The following CXCL13 variants were observed in gnomAD, a reference collection of about 807,000 sequenced individuals.
The protein encoded by CXCL13 is C-X-C motif chemokine 13.
CXCL13 carries 7 observed loss-of-function variants against 12.2 expected under a neutral mutation model. That is an observed-to-expected ratio of 0.57 (90% CI 0.33 to 1.07). The LOEUF (loss-of-function observed/expected upper bound fraction) is 1.07. Among genes scored for constraint, CXCL13 ranks in the 50% least tolerant of loss-of-function variants. The pLI is 0.04. For missense variants in CXCL13, 113 were observed against 127.4 expected (o/e 0.89, Z 0.55); for synonymous variants, 47 against 42.4 (o/e 1.11, Z -0.42).
At chr4:77,591,818 C>T (rs1415204027) in intron 1 of CXCL13, among the ~76,000 whole-genome samples, 1 of 152,210 alleles carries the variant, frequency 6.6e-6, no homozygotes, top group Non-Finnish European at 1.5e-5. Flanking sequence ...TGCCTGTGCA[C>T]AGTCACTGTG....
intron 1 of CXCL13, among the ~76,000 whole-genome samples, chr4:77,554,307 C>G (rs1362187628): frequency 6.6e-6 from 1 of 152,020 alleles, no homozygotes; most frequent in Non-Finnish European, 1.5e-5. Flanking sequence ...AGCTTGTAAA[C>G]ATTTACCTTA....
intron 1 of CXCL13, among the ~76,000 whole-genome samples, chr4:77,563,969 C>A (rs1560527352): frequency 6.6e-6 from 1 of 152,064 alleles, no homozygotes; most frequent in Non-Finnish European, 1.5e-5. Context: ...GTACTCAGGG[C>A]CAGTTTCGAG....
chr4:77,564,580 A>T (rs753499474), intron 1 of CXCL13, among the ~76,000 whole-genome samples: 5 of 152,246 alleles, frequency 3.3e-5, no homozygotes, highest in Admixed American at 6.5e-5. Flanking sequence ...ATCTCATTTA[A>T]TCTGACAACA....
chr4:77,513,756 T>C (rs1340722488), intron 1 of CXCL13, among the ~76,000 whole-genome samples: 1 of 152,036 alleles, frequency 6.6e-6, no homozygotes. Context: ...CTGGCCTGTT[T>C]CCTGACTTTT....
At chr4:77,560,515 T>C (rs1725780413) in intron 1 of CXCL13, among the ~76,000 whole-genome samples, 1 of 152,224 alleles carries the variant, frequency 6.6e-6, no homozygotes, top group South Asian at 2.1e-4. Flanking sequence ...ATCTTTTTTC[T>C]ATACATTCCC....
intron 1 of CXCL13, among the ~76,000 whole-genome samples, chr4:77,553,046 TG>T (rs896332137): frequency 2.7e-4 from 41 of 152,102 alleles, no homozygotes; most frequent in Admixed American, 1.9e-3. Flanking sequence ...AATTTTGGCT[TG>T]GGGGTGGAGT....
chr4:77,525,188 A>G (rs1183309101), intron 1 of CXCL13, among the ~76,000 whole-genome samples: 1 of 152,236 alleles, frequency 6.6e-6, no homozygotes, highest in Admixed American at 6.5e-5. Flanking sequence ...CCCAGCCTCC[A>G]GAACAGTGAG....
rs146101053 is a variant in CXCL13 at position 77,561,529 on chromosome 4, G to A, written c.-42-44295G>A. Reference sequence around the variant, plus strand: ...CTTAGAGGCTAACTTAGCCAAGATCGTTCTGCTTATAATCAGTAGTGCTGA... The same window carrying A: ...CTTAGAGGCTAACTTAGCCAAGATCATTCTGCTTATAATCAGTAGTGCTGA... On this transcript the variant is annotated intron_variant, in intron 1 of 4. Coordinates refer to the CXCL13 transcript ENST00000286758. 3.0e-3 allele frequency among the ~76,000 whole-genome samples: 456 copies of A among 152,310 alleles called. 4 individuals are homozygous for A. Among genetic ancestry groups the A allele is most frequent in the African/African-American group, 9.5e-3 (393 of 41,574 alleles).
In CXCL13 at chr4:77,610,813, G is replaced by A; in HGVS notation, c.278+119G>A. On this transcript the variant is annotated intron_variant, in intron 3 of 3. Coordinates refer to ENST00000682537, the MANE Select transcript of CXCL13 (RefSeq NM_001371558.1). ...TGAGAAGTTCCTAAGACAAATGTGT[G>A]TTTTTCACTGTTATTGCTTATCAGA... 7.5e-6 allele frequency: 7 copies of A among 934,290 alleles called. No homozygotes were observed. The South Asian group carries it at 9.9e-5, about 13-fold the overall frequency. The allele number at this position is 934,290 out of a possible 1,614,324, so 57.9% of individuals were successfully genotyped here.
At chr4:77,543,726 T>C (rs540041734) in intron 1 of CXCL13, among the ~76,000 whole-genome samples, 6 of 152,226 alleles carry the variant, frequency 3.9e-5, no homozygotes, top group Admixed American at 6.6e-5. Flanking sequence ...AAAATGGTTG[T>C]TATGATTTCC....
intron 1 of CXCL13, among the ~76,000 whole-genome samples, chr4:77,518,025 A>G (rs1724474102): frequency 6.6e-6 from 1 of 150,696 alleles, no homozygotes; most frequent in South Asian, 2.1e-4. Flanking sequence ...GCTTGTCTGT[A>G]AAGGATTTTA....
chr4:77,608,549 C>T (rs546887033), intron 2 of CXCL13, among the ~76,000 whole-genome samples: 1 of 152,280 alleles, frequency 6.6e-6, no homozygotes, highest in East Asian at 1.9e-4. Context: ...GGCACAGCAT[C>T]TTTCTCAGGG....
chr4:77,525,274 A>G (rs1202730324), intron 1 of CXCL13, among the ~76,000 whole-genome samples: 1 of 152,230 alleles, frequency 6.6e-6, no homozygotes, highest in Non-Finnish European at 1.5e-5. Context: ...TGTGTGTAAC[A>G]AAGTGTTTAT....
At chr4:77,604,928 C>A (rs1182275115), upstream of CXCL13, among the ~76,000 whole-genome samples, 9 of 152,166 alleles carry the variant, frequency 5.9e-5, no homozygotes, top group East Asian at 1.5e-3. Flanking sequence ...CCAGACTAGC[C>A]AGTCTACATA....
chr4:77,533,509 C>T (rs990772241), intron 1 of CXCL13, among the ~76,000 whole-genome samples: 1 of 152,220 alleles, frequency 6.6e-6, no homozygotes, highest in Non-Finnish European at 1.5e-5. Context: ...GCAGTCTGTC[C>T]ATTCTCAGAT....
intron 1 of CXCL13, among the ~76,000 whole-genome samples, chr4:77,581,686 T>C (rs1417980305): frequency 1.3e-5 from 2 of 152,202 alleles, no homozygotes; most frequent in Non-Finnish European, 2.9e-5. Context: ...TTTCCTCCTA[T>C]CTGAGGACAA....
intron 1 of CXCL13, among the ~76,000 whole-genome samples, chr4:77,537,097 C>A (rs1244822458): frequency 6.6e-6 from 1 of 152,066 alleles, no homozygotes; most frequent in Non-Finnish European, 1.5e-5. Context: ...AAGACATATT[C>A]AAATTGTGTT....
At chr4:77,578,522 G>A (rs1463203541) in intron 1 of CXCL13, among the ~76,000 whole-genome samples, 1 of 152,190 alleles carries the variant, frequency 6.6e-6, no homozygotes, top group East Asian at 1.9e-4. Context: ...CCTGTGCACT[G>A]GGAGAATGGG....
At chr4:77,516,813 T>A (rs1483845981) in intron 1 of CXCL13, among the ~76,000 whole-genome samples, 2 of 152,230 alleles carry the variant, frequency 1.3e-5, no homozygotes, top group East Asian at 3.8e-4. Flanking sequence ...TTCCTTCAGT[T>A]CTGCTCTGAT....
Sources: allele counts gnomAD v4.1 joint callset (sites outside exome capture counted in the v4.1 genomes callset), GRCh38; gene constraint gnomAD v4.1.1; transcripts MANE v1.5; gene names NCBI Gene and HGNC (gene_info 2026-07-23, HGNC 2026-07-21).